Variants in MANBA observed in about 807,000 individuals in gnomAD.
The protein encoded by MANBA is beta-mannosidase.
Under a neutral mutation model 111.1 loss-of-function variants are expected in MANBA, and 83 were observed. The observed-to-expected ratio is 0.75, with a 90% CI of 0.63 to 0.90. MANBA has a LOEUF of 0.90. MANBA is among the 40% of genes least tolerant of loss of function. The pLI, the probability that MANBA is intolerant of heterozygous loss-of-function variation, is 0.00. For missense variants in MANBA, 1,036 were observed against 1,069.0 expected (o/e 0.97, Z 0.43); for synonymous variants, 370 against 378.7 (o/e 0.98, Z 0.27).
Position 102,630,971 on chromosome 4 carries a change from A to G in MANBA, c.*1086T>C, listed in dbSNP as rs1729351083. On this transcript the variant is annotated 3_prime_UTR_variant, in exon 17 of 17. Transcript: ENST00000647097. ...CAGAACATGCACAGGTGTCAAGAAG[A>G]GCAGTCCTCCCTGCCTCGCAGCAAT... 1 of 152,354 alleles carries G rather than the reference A, an allele frequency of 6.6e-6. No individual in the cohort carries two copies. The highest frequency in any genetic ancestry group is 2.4e-5 in the African/African-American group (1 of 41,576). The allele number at this position is 152,354 out of a possible 1,614,324, so 9.4% of individuals were successfully genotyped here. A position where few individuals can be genotyped will look rare whatever the true frequency, so the allele number is the denominator to read the frequency against.
At chr4:102,646,069 A>G (rs538116638) in intron 13 of MANBA, among the ~76,000 whole-genome samples, 3 of 152,250 alleles carry the variant, frequency 2.0e-5, no homozygotes, top group Admixed American at 6.6e-5. Context: ...TCATGTATGA[A>G]ATGGAAAGAG....
intron 11 of MANBA, among the ~76,000 whole-genome samples, chr4:102,658,304 T>A (rs915379636): frequency 2.0e-5 from 3 of 152,068 alleles, no homozygotes; most frequent in Non-Finnish European, 4.4e-5. Flanking sequence ...TTTAGTAGCA[T>A]CCCTGGCCTC....
intron 7 of MANBA, among the ~76,000 whole-genome samples, chr4:102,685,996 C>G (rs529781566): frequency 4.6e-5 from 7 of 152,238 alleles, no homozygotes; most frequent in African/African-American, 1.7e-4. Flanking sequence ...TACCTCCTTA[C>G]TTCCTGGAAC....
chr4:102,661,842 G>A (rs1730971566), intron 11 of MANBA, among the ~76,000 whole-genome samples: 1 of 152,188 alleles, frequency 6.6e-6, no homozygotes, highest in Admixed American at 6.5e-5. Flanking sequence ...TGATCCAAGA[G>A]AATGGCCATA....
chr4:102,661,930 T>G (rs10489112), intron 11 of MANBA, among the ~76,000 whole-genome samples: 2,454 of 152,334 alleles, frequency 0.016, 65 homozygotes, highest in African/African-American at 0.054. Flanking sequence ...CTTTCCCTTT[T>G]TATGATGCCT....
intron 16 of MANBA, 21 bp from the exon 17 acceptor site, chr4:102,632,302 T>G: frequency 7.3e-7 from 1 of 1,370,724 alleles, no homozygotes; most frequent in Non-Finnish European, 1.0e-6. Flanking sequence ...AAAAAAAAAA[T>G]GAATGAAGTG....
chr4:102,735,457 G>A (rs17033233), intron 1 of MANBA, among the ~76,000 whole-genome samples: 2,924 of 134,856 alleles, frequency 0.022, 57 homozygotes, highest in African/African-American at 0.054. Flanking sequence ...CTGCATGCAT[G>A]CTGAAAAAAA....
In MANBA at chr4:102,653,220, GCACACACACA is replaced by G. The variant is rs71596357; in HGVS notation, c.1705-2529_1705-2520del. On this transcript the variant is annotated intron_variant, in intron 12 of 16. Transcript: ENST00000647097. ...CACACGCGCATATGCAGATCTACAT[GCACACACACA>G]CACACACACACACACACACACACAC... 1.9e-3 allele frequency among the ~76,000 whole-genome samples: 275 copies of G among 145,602 alleles called. 2 individuals are homozygous for G. Among genetic ancestry groups the G allele is most frequent in the African/African-American group, 3.5e-3 (136 of 39,082 alleles).
rs1249756413 is a variant in MANBA, at chr4:102,632,296, A to G, written c.2416-15T>C. The G allele has an allele frequency of 6.4e-7, 1 of 1,562,152 alleles. No individual in the cohort carries two copies. The highest frequency in any genetic ancestry group is 1.4e-5 in the African/African-American group (1 of 73,738). On this transcript the variant is annotated splice_polypyrimidine_tract_variant and intron_variant, in intron 16 of 16. Transcript: ENST00000647097. ...GAGATGATGGCCTGAAAAAGAAAAA[A>G]AAAAATGAATGAAGTGAAGGATGAG... is the stretch of plus-strand genomic sequence containing the variant.
At chr4:102,643,764 G>C (rs1338501609) in intron 13 of MANBA, among the ~76,000 whole-genome samples, 1 of 152,074 alleles carries the variant, frequency 6.6e-6, no homozygotes, top group Non-Finnish European at 1.5e-5. Flanking sequence ...TGAGTTCTAA[G>C]AGTTCTTTAT....
In MANBA at chr4:102,750,433, G is replaced by GA. The variant is rs975550339; in HGVS notation, c.177+10284dup. On this transcript the variant is annotated intron_variant, in intron 1 of 16. Transcript: ENST00000647097. Reference sequence around the variant, plus strand: ...ACAACCAGAAAACCTTCTGTTTTGAGAAAAAATGTATGTTTAGTCATTTTG... The same window carrying GA: ...ACAACCAGAAAACCTTCTGTTTTGAGAAAAAAATGTATGTTTAGTCATTTTG... Among the ~76,000 whole-genome samples the GA allele has an allele frequency of 6.7e-4, 102 of 151,890 alleles. 1 individual carries two copies. Among genetic ancestry groups the GA allele is most frequent in the African/African-American group, 2.3e-3 (97 of 41,430 alleles).
At chr4:102,670,442 T>C (rs1203738081) in intron 9 of MANBA, among the ~76,000 whole-genome samples, 1 of 152,188 alleles carries the variant, frequency 6.6e-6, no homozygotes, top group Non-Finnish European at 1.5e-5. Context: ...GAATAATTCC[T>C]AGTCTTCGGT....
chr4:102,706,687 G>GA lies in MANBA; in HGVS notation c.673+7750dup, dbSNP rs538964977. Among the ~76,000 whole-genome samples, 18 of 149,242 alleles carry GA rather than the reference G, an allele frequency of 1.2e-4. No individual in the cohort carries two copies. In the East Asian group the frequency reaches 1.6e-3, roughly 13 times the overall value. ...ATTCATTGAGATGCAAGATAACTCA[G>GA]AAAAAAAAAGAAATCAGAAAAACAA... On this transcript the variant is annotated intron_variant, in intron 5 of 16. Coordinates refer to ENST00000647097, the MANE Select transcript of MANBA (RefSeq NM_005908.4).
chr4:102,726,537 A>G, intron 2 of MANBA, 52 bp downstream of exon 2: 2 of 997,024 alleles, frequency 2.0e-6, no homozygotes, highest in South Asian at 2.8e-5. Context: ...CCCAGATAGA[A>G]AAAGAAGAAA....
intron 1 of MANBA, chr4:102,727,825 A>C: frequency 1.6e-6 from 1 of 625,656 alleles, no homozygotes; most frequent in South Asian, 1.7e-5. Context: ...ATACTTCCGG[A>C]AAAGGATTTT....
chr4:102,683,115 T>C (rs972647402), intron 7 of MANBA, among the ~76,000 whole-genome samples: 3 of 151,412 alleles, frequency 2.0e-5, no homozygotes, highest in African/African-American at 7.3e-5. Context: ...TTTTGCCCTG[T>C]GCAATTTGCA....
chr4:102,659,806 A>G (rs1489650537), intron 11 of MANBA, among the ~76,000 whole-genome samples: 1 of 152,022 alleles, frequency 6.6e-6, no homozygotes, highest in African/African-American at 2.4e-5. Flanking sequence ...AAATGACCCT[A>G]TTTACCACCT....
chr4:102,676,833 T>C (rs1731749109), intron 7 of MANBA, among the ~76,000 whole-genome samples: 1 of 152,234 alleles, frequency 6.6e-6, no homozygotes, highest in African/African-American at 2.4e-5. Flanking sequence ...GGGTTAACAC[T>C]GCTGGTGCCT....
intron 1 of MANBA, among the ~76,000 whole-genome samples, chr4:102,737,153 AGG>A (rs1199284342): frequency 2.0e-5 from 3 of 152,212 alleles, no homozygotes; most frequent in Non-Finnish European, 2.9e-5. Flanking sequence ...GGGGAGTCAC[AGG>A]GTGAAGGAAG....
Sources: gnomAD v4.1 joint callset for allele counts (sites outside exome capture counted in the v4.1 genomes callset) on GRCh38, gnomAD v4.1.1 for gene constraint, MANE v1.5 for transcripts, NCBI Gene and HGNC (gene_info 2026-07-23, HGNC 2026-07-21) for gene names.